The following GPC6 variants were observed in gnomAD, a reference collection of about 807,000 sequenced individuals.
The protein encoded by GPC6 is glypican-6.
Under a neutral mutation model 55.2 loss-of-function variants are expected in GPC6, and 14 were observed. The ratio of observed to expected loss-of-function variants is 0.25; its 90% CI spans 0.17 to 0.40. GPC6 has a LOEUF of 0.40. Ranked by LOEUF, GPC6 falls within the 10% of genes least tolerant of loss-of-function variation. GPC6 has a pLI of 1.00. For synonymous variants in GPC6, 278 were observed against 259.6 expected, an observed-to-expected ratio of 1.07 and a Z score of -0.68; for missense variants, 641 against 708.5, an observed-to-expected ratio of 0.90 and a Z score of 1.08.
chr13:93,410,360 C>T (rs928397808), intron 1 of GPC6, among the ~76,000 whole-genome samples: 2 of 152,178 alleles, frequency 1.3e-5, no homozygotes, highest in African/African-American at 2.4e-5. Flanking sequence ...AACAATAAAG[C>T]TTAACTAGGC....
intron 3 of GPC6, among the ~76,000 whole-genome samples, chr13:93,933,235 A>T (rs1245230775): frequency 6.6e-6 from 1 of 151,936 alleles, no homozygotes; most frequent in African/African-American, 2.4e-5. Flanking sequence ...ATGTCTGGAG[A>T]CATTTTTGGG....
chr13:94,080,484 A>T lies in GPC6; in HGVS notation c.877+52590A>T, dbSNP rs1328826. ...CCTTAGATAAACAAAATAAATAAAT[A>T]CCAGTGGCAATAGGAAGAATGATAA... On this transcript the variant is annotated intron_variant, in intron 4 of 8. Transcript: ENST00000377047. Among the ~76,000 whole-genome samples the T allele has an allele frequency of 4.8e-3, 731 of 152,234 alleles. 8 individuals carry two copies. The highest frequency in any genetic ancestry group is 0.017 in the African/African-American group (694 of 41,526).
chr13:93,746,364 A>G (rs1884400708), intron 2 of GPC6, among the ~76,000 whole-genome samples: 1 of 152,196 alleles, frequency 6.6e-6, no homozygotes, highest in Non-Finnish European at 1.5e-5. Context: ...GTCGGAGCAT[A>G]CATACATTCA....
At chr13:94,235,281 G>T (rs1474916722) in intron 4 of GPC6, among the ~76,000 whole-genome samples, 1 of 152,066 alleles carries the variant, frequency 6.6e-6, no homozygotes. Context: ...AATGAACCAA[G>T]GACGGAATTT....
intron 3 of GPC6, among the ~76,000 whole-genome samples, chr13:93,832,235 T>G (rs1297794809): frequency 7.0e-6 from 1 of 142,604 alleles, no homozygotes; most frequent in Non-Finnish European, 1.5e-5. Flanking sequence ...CTAGGTAGAA[T>G]AGCAAGAGGA....
intron 3 of GPC6, among the ~76,000 whole-genome samples, chr13:93,960,639 G>A (rs757352166): frequency 3.9e-5 from 6 of 152,028 alleles, no homozygotes; most frequent in Non-Finnish European, 7.4e-5. Context: ...ACATTTAAAA[G>A]TACTAAAACA....
chr13:94,265,094 C>T (rs1891760200), intron 4 of GPC6, among the ~76,000 whole-genome samples: 1 of 152,080 alleles, frequency 6.6e-6, no homozygotes. Context: ...ACCATATCAA[C>T]TTGTTACTTT....
At position 93,979,310 on chromosome 13, in the gene GPC6, TG is replaced by T. The variant is rs1566631933; in HGVS notation, c.712-48418del. ...GTGTGTGTGTGTGTGTGTGTGTGTG[TG>T]TGTGTGTTTGTGTGTGTTTTTTTGT... On this transcript the variant is annotated intron_variant, in intron 3 of 8. Transcript: ENST00000377047. Among the ~76,000 whole-genome samples, 142 of 149,906 alleles carry T rather than the reference TG, an allele frequency of 9.5e-4. 2 individuals carry two copies. Among genetic ancestry groups the T allele is most frequent in the African/African-American group, 3.3e-3 (135 of 40,398 alleles).
At chr13:93,762,610 G>T (rs536557570) in intron 2 of GPC6, among the ~76,000 whole-genome samples, 1 of 152,240 alleles carries the variant, frequency 6.6e-6, no homozygotes, top group East Asian at 1.9e-4. Flanking sequence ...GACTGGCAGG[G>T]AACTTTAAAA....
chr13:94,105,804 C>A (rs954215573), intron 4 of GPC6, among the ~76,000 whole-genome samples: 37 of 152,188 alleles, frequency 2.4e-4, no homozygotes, highest in Non-Finnish European at 2.9e-5. Context: ...GACAGTTTTG[C>A]CCCCTAGGAA....
chr13:93,256,169 C>CAAAAA, intron 1 of GPC6, among the ~76,000 whole-genome samples: 1 of 55,112 alleles, frequency 1.8e-5, no homozygotes, highest in Admixed American at 2.0e-4. Context: ...GACTCCATCT[C>CAAAAA]AAAAAAAAAA....
At chr13:93,307,208 G>C (rs1775039335) in intron 1 of GPC6, among the ~76,000 whole-genome samples, 1 of 152,012 alleles carries the variant, frequency 6.6e-6, no homozygotes, top group Admixed American at 6.6e-5. Flanking sequence ...TTGCATATAT[G>C]GCAGTAGTAC....
At chr13:94,114,900 C>T (rs1173506878) in intron 4 of GPC6, among the ~76,000 whole-genome samples, 10 of 151,552 alleles carry the variant, frequency 6.6e-5, no homozygotes, top group Non-Finnish European at 1.2e-4. Context: ...GTTTAGAAAA[C>T]GAGACATAAA....
chr13:93,381,950 A>G lies in GPC6; in HGVS notation c.160+154334A>G, dbSNP rs1304334167. The stretch of plus-strand genomic sequence containing the variant: ...TGTTACTTTTTAAGATTTTCTCCGG[A>G]GAAAATATTCAAAATACTTCAGTTT... On this transcript the variant is annotated intron_variant, in intron 1 of 8. Coordinates refer to ENST00000377047, the MANE Select transcript of GPC6 (RefSeq NM_005708.5). 2.0e-5 allele frequency among the ~76,000 whole-genome samples: 3 copies of G among 152,244 alleles called. No homozygotes were observed. In the East Asian group the frequency reaches 5.8e-4, roughly 29 times the overall value.
intron 3 of GPC6, among the ~76,000 whole-genome samples, chr13:93,849,733 A>C (rs1403691108): frequency 1.3e-5 from 2 of 152,012 alleles, no homozygotes; most frequent in African/African-American, 4.8e-5. Flanking sequence ...ATTACAATTG[A>C]GTTTGGTAAA....
intron 1 of GPC6, among the ~76,000 whole-genome samples, chr13:93,239,843 C>T (rs565165877): frequency 1.3e-4 from 19 of 151,956 alleles, no homozygotes; most frequent in African/African-American, 4.6e-4. Flanking sequence ...TGTCATCATT[C>T]ATTTTGAAAA....
intron 2 of GPC6, among the ~76,000 whole-genome samples, chr13:93,762,044 G>A (rs541428826): frequency 8.6e-5 from 13 of 151,814 alleles, no homozygotes; most frequent in South Asian, 6.3e-4. Flanking sequence ...CCTTCCTCCC[G>A]TCAGCCTCTG....
chr13:93,893,123 A>C (rs541204425), intron 3 of GPC6, among the ~76,000 whole-genome samples: 101 of 150,710 alleles, frequency 6.7e-4, no homozygotes, highest in Admixed American at 1.7e-3. Context: ...GCAATGGCAC[A>C]ATCTCTGCTC....
intron 4 of GPC6, among the ~76,000 whole-genome samples, chr13:94,138,710 A>AT (rs988917161): frequency 7.9e-5 from 12 of 152,218 alleles, no homozygotes; most frequent in African/African-American, 2.6e-4. Flanking sequence ...AGGTATCATT[A>AT]TTTTTTATTT....
Sources: gnomAD v4.1 joint callset for allele counts (sites outside exome capture counted in the v4.1 genomes callset) on GRCh38, gnomAD v4.1.1 for gene constraint, MANE v1.5 for transcripts, NCBI Gene and HGNC (gene_info 2026-07-23, HGNC 2026-07-21) for gene names.